HDAC9: variants seen among roughly 807,000 people sequenced by gnomAD.
HDAC9 encodes histone deacetylase 9, also known as MEF-2 interacting transcription repressor (MITR) protein.
HDAC9 carries 41 observed loss-of-function variants against 139.4 expected under a neutral mutation model. The observed-to-expected ratio is 0.29, with a 90% CI of 0.23 to 0.38. The LOEUF is 0.38. HDAC9 is among the 10% of genes least tolerant of loss of function. The pLI is 1.00. For missense variants in HDAC9, 1,147 were observed against 1,297.0 expected, an observed-to-expected ratio of 0.88 and a Z score of 1.78; for synonymous variants, 517 against 476.2, an observed-to-expected ratio of 1.09 and a Z score of -1.12.
intron 1 of HDAC9, among the ~76,000 whole-genome samples, chr7:18,364,888 T>C (rs1237445187): frequency 6.6e-6 from 1 of 152,076 alleles, no homozygotes; most frequent in Non-Finnish European, 1.5e-5. Flanking sequence ...CGTTAGATAA[T>C]ACCTTTAAAA....
rs59628483 is a variant in HDAC9, at chr7:18,732,554, T to TACACACACGTGTATATAATGTATATAC, written c.1909+4803_1909+4804insACGTGTATATAATGTATATACACACAC. Among the ~76,000 whole-genome samples, 3 of 124,852 alleles carry TACACACACGTGTATATAATGTATATAC rather than the reference T, an allele frequency of 2.4e-5. 1 individual carries two copies. The highest frequency in any genetic ancestry group is 9.8e-5 in the African/African-American group (3 of 30,726). The allele number at this position is 124,852 out of a possible 152,430, so 81.9% of individuals were successfully genotyped here. ...TGTATATATGTGTATATAATGTATA[T>TACACACACGTGTATATAATGTATATAC]ACACACGTGTATATATGTGCATGTG... On this transcript the variant is annotated intron_variant, in intron 13 of 25. Transcript: ENST00000686413.
chr7:18,849,075 CTT>C (rs1480165147), intron 21 of HDAC9, among the ~76,000 whole-genome samples: 1 of 152,150 alleles, frequency 6.6e-6, no homozygotes, highest in African/African-American at 2.4e-5. Flanking sequence ...AAGTAGCAAA[CTT>C]AGTGGGCATT....
intron 17 of HDAC9, among the ~76,000 whole-genome samples, chr7:18,794,121 A>G (rs1261358899): frequency 6.6e-6 from 1 of 152,206 alleles, no homozygotes; most frequent in Non-Finnish European, 1.5e-5. Flanking sequence ...TAACAGTGCT[A>G]TTTAAAGGTA....
Position 18,833,081 on chromosome 7 carries a change from C to T in HDAC9, c.2467-2386C>T, listed in dbSNP as rs73067609. 2.6e-3 allele frequency among the ~76,000 whole-genome samples: 398 copies of T among 152,220 alleles called. 9 individuals carry two copies. Among genetic ancestry groups the T allele is most frequent in the Non-Finnish European group, 3.1e-3 (212 of 67,996 alleles). ...AAGGCTATACTGTGAGTTGTTCCCCCAAACAAAAGACATAATTGAGTTTAA... is the reference window on the plus strand; with the variant it reads ...AAGGCTATACTGTGAGTTGTTCCCCTAAACAAAAGACATAATTGAGTTTAA... On this transcript the variant is annotated intron_variant, in intron 19 of 25. Transcript: ENST00000686413.
intron 22 of HDAC9, among the ~76,000 whole-genome samples, chr7:18,912,964 A>G (rs1802868986): frequency 6.6e-6 from 1 of 152,100 alleles, no homozygotes; most frequent in Non-Finnish European, 1.5e-5. Context: ...TGTAAATAAT[A>G]CTGATCTTAA....
intron 22 of HDAC9, among the ~76,000 whole-genome samples, chr7:18,897,439 A>G (rs1801305245): frequency 6.6e-6 from 1 of 151,970 alleles, no homozygotes; most frequent in African/African-American, 2.4e-5. Flanking sequence ...GATAATAAAT[A>G]AAAATAATGT....
At position 18,640,796 on chromosome 7, in the gene HDAC9, A is replaced by G. The variant is rs530560036; in HGVS notation, c.913-3875A>G. Among the ~76,000 whole-genome samples the G allele has an allele frequency of 3.9e-5, 6 of 152,104 alleles. No individual in the cohort carries two copies. The East Asian group carries it at 7.8e-4, about 20-fold the overall frequency. On this transcript the variant is annotated intron_variant, in intron 8 of 25. Coordinates refer to ENST00000686413, the MANE Select transcript of HDAC9 (RefSeq NM_178425.4). ...GCAGAAGTCCAATGGTGTGCTTTCA[A>G]TCACCACAAAAATCCATCGTGGGTG...
chr7:18,908,806 A>G (rs754152542), intron 22 of HDAC9, among the ~76,000 whole-genome samples: 4 of 152,092 alleles, frequency 2.6e-5, no homozygotes, highest in Admixed American at 6.5e-5. Flanking sequence ...CCATTCATCC[A>G]TTAATGGACA....
intron 2 of HDAC9, among the ~76,000 whole-genome samples, chr7:18,539,361 A>G (rs1300093804): frequency 6.6e-6 from 1 of 152,224 alleles, no homozygotes; most frequent in Non-Finnish European, 1.5e-5. Context: ...TTCAAAAAGC[A>G]TGTAGGTCAT....
chr7:18,392,118 T>A (rs1786543089), intron 1 of HDAC9, among the ~76,000 whole-genome samples: 1 of 152,192 alleles, frequency 6.6e-6, no homozygotes, highest in South Asian at 2.1e-4. Context: ...CATTCTAGAA[T>A]GACCATTTAC....
At chr7:18,747,655 G>A (rs942659522) in intron 13 of HDAC9, among the ~76,000 whole-genome samples, 1 of 152,170 alleles carries the variant, frequency 6.6e-6, no homozygotes, top group African/African-American at 2.4e-5. Context: ...CATAAGGGAG[G>A]TCAGTCCTGA....
At chr7:18,424,250 AAGAAT>A (rs1329442101) in intron 1 of HDAC9, among the ~76,000 whole-genome samples, 6 of 152,336 alleles carry the variant, frequency 3.9e-5, no homozygotes, top group African/African-American at 1.4e-4. Flanking sequence ...GTGTAGTGAA[AAGAAT>A]ATAGAGGCAA....
intron 22 of HDAC9, among the ~76,000 whole-genome samples, chr7:18,922,568 A>G (rs1803851477): frequency 6.6e-6 from 1 of 152,082 alleles, no homozygotes; most frequent in African/African-American, 2.4e-5. Context: ...GATGAGGCTC[A>G]CAAATCTGCA....
chr7:18,463,327 C>T (rs1460099055), intron 1 of HDAC9, among the ~76,000 whole-genome samples: 1 of 151,816 alleles, frequency 6.6e-6, no homozygotes, highest in East Asian at 1.9e-4. Context: ...TAAAGTTTTG[C>T]AACAGTTTAC....
At chr7:18,210,609 T>G (rs545227555) in intron 2 of HDAC9, among the ~76,000 whole-genome samples, 3 of 152,140 alleles carry the variant, frequency 2.0e-5, no homozygotes, top group South Asian at 2.1e-4. Context: ...ATCAGAGAAG[T>G]ATTGTTTTTG....
chr7:18,987,137 G>T (rs558887668), intron 25 of HDAC9, among the ~76,000 whole-genome samples: 42 of 152,270 alleles, frequency 2.8e-4, no homozygotes, highest in African/African-American at 8.7e-4. Context: ...GGCATCCCTG[G>T]CTTGTGCCAG....
At chr7:18,598,183 GA>G (rs1424219291) in intron 6 of HDAC9, among the ~76,000 whole-genome samples, 2 of 152,054 alleles carry the variant, frequency 1.3e-5, no homozygotes, top group Admixed American at 1.3e-4. Flanking sequence ...GTGCATGTGT[GA>G]ATTGCATACA....
In HDAC9 at chr7:18,516,470, C is replaced by T. The variant is rs146074990; in HGVS notation, c.22+20146C>T. Among the ~76,000 whole-genome samples the T allele has an allele frequency of 6.5e-3, 985 of 152,194 alleles. 8 individuals carry two copies. The highest frequency in any genetic ancestry group is 0.061 in the Middle Eastern group (18 of 294). On this transcript the variant is annotated intron_variant, in intron 2 of 25. Transcript: ENST00000686413. Reference sequence around the variant, plus strand: ...AGTCAATATCCTATTTACTTAAGAACAGAAACAGGGAAAGGACAACTCAAC... The same window carrying T: ...AGTCAATATCCTATTTACTTAAGAATAGAAACAGGGAAAGGACAACTCAAC...
intron 6 of HDAC9, among the ~76,000 whole-genome samples, chr7:18,620,159 C>T (rs974071820): frequency 6.6e-6 from 1 of 152,106 alleles, no homozygotes; most frequent in Non-Finnish European, 1.5e-5. Context: ...GTATAGGTAC[C>T]TGAACAATGA....
Sources: gnomAD v4.1 joint callset for allele counts (sites outside exome capture counted in the v4.1 genomes callset) on GRCh38, gnomAD v4.1.1 for gene constraint, MANE v1.5 for transcripts, NCBI Gene and HGNC (gene_info 2026-07-23, HGNC 2026-07-21) for gene names.